The following UGT2B15 variants were observed in gnomAD, a reference collection of about 807,000 sequenced individuals.
UGT2B15 encodes UDP glucuronosyltransferase family 2 member B15, also known as UDP-glucuronosyltransferase 2B15.
Under a neutral mutation model 45.9 loss-of-function variants are expected in UGT2B15, and 36 were observed. The observed-to-expected ratio is 0.78, with a 90% CI of 0.60 to 1.04. The LOEUF (loss-of-function observed/expected upper bound fraction) is 1.04, where lower values mean the gene tolerates loss of function less well. Among genes scored for constraint, UGT2B15 ranks in the 50% least tolerant of loss-of-function variants. UGT2B15 has a pLI of 0.00. For synonymous variants in UGT2B15, 219 were observed against 216.4 expected (o/e 1.01, Z -0.11); for missense variants, 617 against 622.4 (o/e 0.99, Z 0.09).
intron 5 of UGT2B15, among the ~76,000 whole-genome samples, chr4:68,651,105 T>C (rs1371100995): frequency 6.6e-6 from 1 of 151,070 alleles, no homozygotes; most frequent in Non-Finnish European, 1.5e-5. Context: ...GTAGGTTGCC[T>C]GTTCCCTCTG....
Position 68,647,075 on chromosome 4 carries a change from A to G in UGT2B15, c.*29T>C, listed in dbSNP as rs373071677. 12 of 1,590,882 alleles carry G rather than the reference A, an allele frequency of 7.5e-6. No homozygotes were observed. Among genetic ancestry groups the G allele is most frequent in the Middle Eastern group, 1.7e-4 (1 of 5,946 alleles). The stretch of plus-strand genomic sequence containing the variant: ...AAATAAAGGAGGAGTCCCATCTTTC[A>G]GTCATTCCACTTCAGGCTTTTGATA... On this transcript the variant is annotated 3_prime_UTR_variant, in exon 6 of 6. Transcript: ENST00000338206.
At chr4:68,652,718 TAA>T (rs879826657) in intron 5 of UGT2B15, among the ~76,000 whole-genome samples, 1 of 148,302 alleles carries the variant, frequency 6.7e-6, no homozygotes, top group Non-Finnish European at 1.5e-5. Flanking sequence ...TTCCAAAAAG[TAA>T]AAAAAAAAAT....
chr4:68,656,647 T>C (rs921196209), intron 3 of UGT2B15, among the ~76,000 whole-genome samples: 3 of 152,144 alleles, frequency 2.0e-5, no homozygotes, highest in African/African-American at 4.8e-5. Flanking sequence ...CTCCACCCTA[T>C]ACCTCCTTTT....
intron 3 of UGT2B15, among the ~76,000 whole-genome samples, chr4:68,656,339 C>G (rs943938460): frequency 6.6e-6 from 1 of 151,646 alleles, no homozygotes. Flanking sequence ...TAACAACTAG[C>G]TGGACTTAAT....
At chr4:68,649,588 A>T (rs150711529) in intron 5 of UGT2B15, among the ~76,000 whole-genome samples, 2,899 of 151,082 alleles carry the variant, frequency 0.019, 59 homozygotes, top group Admixed American at 0.04. Flanking sequence ...GTCTCCATAA[A>T]CTCTTTTAAA....
intron 2 of UGT2B15, among the ~76,000 whole-genome samples, chr4:68,666,744 A>AT (rs1560611193): frequency 1.3e-5 from 1 of 75,174 alleles, no homozygotes; most frequent in African/African-American, 4.0e-5. Context: ...ATATATATAT[A>AT]TATATATATT....
intron 3 of UGT2B15, among the ~76,000 whole-genome samples, chr4:68,661,442 G>A (rs1732963561): frequency 6.6e-6 from 1 of 151,792 alleles, no homozygotes. Flanking sequence ...CTTAATTCTA[G>A]TAATAAAAAA....
Position 68,647,343 on chromosome 4 carries a change from C to G in UGT2B15, c.1354G>C (p.Asp452His). 6.2e-7 allele frequency: 1 copy of G among 1,613,600 alleles called. No individual in the cohort carries two copies. Among genetic ancestry groups the G allele is most frequent in the Non-Finnish European group, 8.5e-7 (1 of 1,179,688 alleles). ...CGATCCAGGGGCTTCATTGGTTGGT[C>G]ATGATGAATTCTTGATAATTTCATG... ...NVMKLSRIHH[D>H]QPMKPLDRAV... is the part of the protein sequence containing the mutation. The change falls in exon 6 of 6, where the codon GAC (aspartate) becomes CAC (histidine). Residue 452 changes from aspartate (D) to histidine (H), a missense_variant. Asp to His is a moderately conservative substitution (Grantham distance 81). Transcript: ENST00000338206.
chr4:68,662,040 G>T (rs542343695), intron 3 of UGT2B15, among the ~76,000 whole-genome samples: 17 of 152,162 alleles, frequency 1.1e-4, no homozygotes, highest in Admixed American at 5.2e-4. Context: ...GAATTTACAA[G>T]TGTTGACCTT....
chr4:68,651,565 G>A (rs1242255029), intron 5 of UGT2B15, among the ~76,000 whole-genome samples: 1 of 151,924 alleles, frequency 6.6e-6, no homozygotes, highest in Admixed American at 6.6e-5. Context: ...GTGTAAGGAA[G>A]GGATCCAGTG....
At chr4:68,647,550 G>C (rs997371786) in intron 5 of UGT2B15, among the ~76,000 whole-genome samples, 167 bp from the exon 6 acceptor site, 1 of 152,006 alleles carries the variant, frequency 6.6e-6, no homozygotes, top group South Asian at 2.1e-4. Flanking sequence ...AGAAAGTTTG[G>C]TTTTTAAATT....
At position 68,654,042 on chromosome 4, in the gene UGT2B15, G is replaced by T; in HGVS notation, c.1308C>A (p.Asp436Glu). The change falls in exon 5 of 6, where the codon GAC (aspartate) becomes GAA (glutamate). Residue 436 changes from aspartate to glutamate, a missense_variant. Transcript: ENST00000338206. ...CACAAAACTGTAATACTCACACAGG[G>T]TCATTAATGACTGACTTCAATGCAT... ...LLNALKSVIN[D>E]PVYKENVMKL... The T allele has an allele frequency of 6.2e-7, 1 of 1,612,814 alleles. No individual in the cohort carries two copies. The highest frequency in any genetic ancestry group is 8.5e-7 in the Non-Finnish European group (1 of 1,179,132).
intron 5 of UGT2B15, among the ~76,000 whole-genome samples, chr4:68,650,923 T>C (rs1459365018): frequency 2.0e-5 from 3 of 151,996 alleles, no homozygotes; most frequent in Non-Finnish European, 4.4e-5. Flanking sequence ...TTTTCATAAG[T>C]GTGTTGGCTG....
At chr4:68,655,504 AG>A (rs1732778410) in intron 3 of UGT2B15, among the ~76,000 whole-genome samples, 1 of 152,088 alleles carries the variant, frequency 6.6e-6, no homozygotes, top group African/African-American at 2.4e-5. Context: ...TAAGCTGCTT[AG>A]GGCAAACCTA....
At position 68,654,072 on chromosome 4, in the gene UGT2B15, C is replaced by G. The variant is rs1468929093; in HGVS notation, c.1278G>C (p.Leu426Phe). The G allele has an allele frequency of 9.3e-6, 15 of 1,613,410 alleles. 1 individual carries two copies. Among genetic ancestry groups the G allele is most frequent in the Non-Finnish European group, 1.1e-5 (13 of 1,179,606 alleles). The part of the protein sequence containing the change: ...VDIRTMSSRD[L>F]LNALKSVIND... ...TAATGACTGACTTCAATGCATTGAG[C>G]AAATCTCTACTTGACATGGTCCTGA... The change falls in exon 5 of 6, where the codon TTG (leucine) becomes TTC (phenylalanine). Residue 426 changes from leucine (L) to phenylalanine (F), a missense_variant. By Grantham distance (22) the Leu-to-Phe change is conservative (BLOSUM62 0). Around this residue, in one of 3 missense-constraint regions of UGT2B15, gnomAD observed 265 missense variants for 245.1 expected, o/e 1.08. Transcript: ENST00000338206.
intron 3 of UGT2B15, among the ~76,000 whole-genome samples, chr4:68,659,376 T>A (rs1484357840): frequency 1.3e-5 from 2 of 152,016 alleles, no homozygotes; most frequent in Admixed American, 6.6e-5. Context: ...AATTTATTAG[T>A]TTCCCTAACA....
At position 68,659,652 on chromosome 4, in the gene UGT2B15, T is replaced by A. The variant is rs532191061; in HGVS notation, c.1005+3356A>T. ...TCTTTGACTGAGTCTGCCCTAAAAC[T>A]TTTTGTCCTCCACAGACAATTGTTG... On this transcript the variant is annotated intron_variant, in intron 3 of 5. Coordinates refer to ENST00000338206, the MANE Select transcript of UGT2B15 (RefSeq NM_001076.4). 6.6e-5 allele frequency among the ~76,000 whole-genome samples: 10 copies of A among 152,086 alleles called. No individual in the cohort carries two copies. In the South Asian group the frequency reaches 2.1e-3, roughly 32 times the overall value.
intron 3 of UGT2B15, among the ~76,000 whole-genome samples, chr4:68,662,535 C>A (rs533365545): frequency 6.8e-6 from 1 of 147,004 alleles, no homozygotes; most frequent in African/African-American, 2.6e-5. Flanking sequence ...TAAAAACAGC[C>A]AGATTGCTTG....
Position 68,647,018 on chromosome 4 carries a change from AG to A in UGT2B15, c.*85del. 2 of 1,509,784 alleles carry A rather than the reference AG, an allele frequency of 1.3e-6. No individual in the cohort carries two copies. The highest frequency in any genetic ancestry group is 1.8e-6 in the Non-Finnish European group (2 of 1,128,054). The allele number at this position is 1,509,784 out of a possible 1,614,324, so 93.5% of individuals were successfully genotyped here. A position where few individuals can be genotyped will look rare whatever the true frequency, so the allele number is the denominator to read the frequency against. Reference sequence around the variant, plus strand: ...GAAAAGATGTTTTGTCACAGGAAAAAGGAAATCCTCCATTTAAAACCCTCCA... The same window carrying A: ...GAAAAGATGTTTTGTCACAGGAAAAAGAAATCCTCCATTTAAAACCCTCCA... On this transcript the variant is annotated 3_prime_UTR_variant, in exon 6 of 6. Transcript: ENST00000338206.
Sources: gnomAD v4.1 joint callset for allele counts (sites outside exome capture counted in the v4.1 genomes callset) on GRCh38, gnomAD v4.1.1 for gene constraint, gnomAD v4.1.1 regional missense constraint, MANE v1.5 for transcripts, NCBI Gene and HGNC (gene_info 2026-07-23, HGNC 2026-07-21) for gene names.